Variants in TMEM232 observed in about 807,000 individuals in gnomAD.
TMEM232 encodes the protein transmembrane protein 232.
Under a neutral mutation model 78.8 loss-of-function variants are expected in TMEM232, and 80 were observed. The ratio of observed to expected loss-of-function variants is 1.01; its 90% CI spans 0.85 to 1.22. TMEM232 has a LOEUF of 1.22. Ranked by LOEUF, TMEM232 falls within the 50% of genes most tolerant of loss-of-function variation. The pLI, the probability that TMEM232 is intolerant of heterozygous loss-of-function variation, is 0.00. For missense variants in TMEM232, 881 were observed against 742.2 expected (o/e 1.19, Z -2.17); for synonymous variants, 297 against 254.3 (o/e 1.17, Z -1.60).
upstream of TMEM232, among the ~76,000 whole-genome samples, chr5:110,727,333 C>T (rs115990475): frequency 5.8e-3 from 885 of 152,226 alleles, 6 homozygotes; most frequent in Non-Finnish European, 8.3e-3. Context: ...ATACGTAGGC[C>T]GGGCGCAGTG....
At chr5:110,392,653 G>A (rs1380838243) in intron 3 of TMEM232, among the ~76,000 whole-genome samples, 2 of 152,072 alleles carry the variant, frequency 1.3e-5, no homozygotes, top group Non-Finnish European at 2.9e-5. Flanking sequence ...CTTCTTATAA[G>A]GATATTAATG....
At chr5:110,456,025 C>T (rs1760859489) in intron 12 of TMEM232, among the ~76,000 whole-genome samples, 1 of 152,156 alleles carries the variant, frequency 6.6e-6, no homozygotes, top group Non-Finnish European at 1.5e-5. Flanking sequence ...TGCTTTGCCT[C>T]TAAGATCAGG....
In TMEM232 at chr5:110,718,381, G is replaced by T. The variant is rs138808877; in HGVS notation, c.-13+8246C>A. Among the ~76,000 whole-genome samples the T allele has an allele frequency of 3.6e-3, 545 of 152,170 alleles. 10 individuals are homozygous for T. The highest frequency in any genetic ancestry group is 4.4e-3 in the South Asian group (21 of 4,826). On this transcript the variant is annotated intron_variant, in intron 1 of 13. Transcript: ENST00000455884. ...AAATATTAAATTGCAAAATTATATT[G>T]ATGAGAAGCATTTCTGGATAGCTGT...
At chr5:110,736,733 T>C (rs1799210656) in intron 1 of TMEM232, among the ~76,000 whole-genome samples, 1 of 152,036 alleles carries the variant, frequency 6.6e-6, no homozygotes, top group African/African-American at 2.4e-5. Context: ...AAAACATCAA[T>C]ACAGTCACAT....
chr5:110,387,691 A>G (rs553189166), intron 5 of TMEM232: 2 of 152,328 alleles, frequency 1.3e-5, no homozygotes, highest in African/African-American at 4.8e-5. Flanking sequence ...ATAAAAATCC[A>G]TAAAAATCAA....
At chr5:110,708,511 A>G (rs897683523) in intron 1 of TMEM232, among the ~76,000 whole-genome samples, 1 of 152,194 alleles carries the variant, frequency 6.6e-6, no homozygotes, top group Non-Finnish European at 1.5e-5. Context: ...TGAACCAATC[A>G]AAAACAATAA....
intron 1 of TMEM232, among the ~76,000 whole-genome samples, chr5:110,703,154 G>A (rs1795596021): frequency 6.6e-6 from 1 of 151,992 alleles, no homozygotes; most frequent in Non-Finnish European, 1.5e-5. Context: ...AGGTAGCTAT[G>A]TTTAAAAGAA....
rs1224212119 is a variant in TMEM232 at position 110,420,732 on chromosome 5, C to G, written c.1822G>C (p.Glu608Gln). 6.6e-7 allele frequency: 1 copy of G among 1,522,414 alleles called. No homozygotes were observed. Among genetic ancestry groups the G allele is most frequent in the Non-Finnish European group, 8.7e-7 (1 of 1,142,890 alleles). 94.3% of individuals were successfully genotyped at this position (1,522,414 alleles called of 1,614,324 possible). Residue 608 changes from glutamate to glutamine, a missense_variant, in exon 14 of 14, where the codon GAA (glutamate) becomes CAA (glutamine). Coordinates refer to ENST00000455884, the MANE Select transcript of TMEM232 (RefSeq NM_001039763.4). ...HHWQEELKIR[E>Q]KEDAICKAQE... ...GCCTTGCATATTGCATCTTCTTTTT[C>G]TCGGATCTTTAGCTCTTCCTGCCAC...
At chr5:110,537,293 T>TA (rs1419509514) in intron 11 of TMEM232, among the ~76,000 whole-genome samples, 2,172 of 123,982 alleles carry the variant, frequency 0.018, 61 homozygotes, top group African/African-American at 0.089. Context: ...ATATATATAT[T>TA]TTTTTTTTTC....
At chr5:110,418,581 C>T (rs1309148898), downstream of TMEM232, among the ~76,000 whole-genome samples, 2 of 151,880 alleles carry the variant, frequency 1.3e-5, no homozygotes, top group African/African-American at 2.4e-5. Context: ...TTTTTTAGCT[C>T]CTTTCCAAGT....
chr5:110,454,125 A>T (rs1263130505), intron 12 of TMEM232, among the ~76,000 whole-genome samples: 4 of 152,218 alleles, frequency 2.6e-5, no homozygotes, highest in Non-Finnish European at 5.9e-5. Flanking sequence ...ATAAGGATAT[A>T]GAAGCCTGAA....
intron 1 of TMEM232, among the ~76,000 whole-genome samples, chr5:110,677,725 G>A (rs1444096359): frequency 2.0e-5 from 3 of 152,150 alleles, no homozygotes; most frequent in South Asian, 2.1e-4. Context: ...CTGGTAAAAC[G>A]TTTGACATTA....
intron 11 of TMEM232, among the ~76,000 whole-genome samples, chr5:110,542,201 T>C (rs1487125185): frequency 2.0e-5 from 3 of 152,322 alleles, no homozygotes; most frequent in East Asian, 3.9e-4. Flanking sequence ...TTCCTTGGTG[T>C]CTTTGTTGCA....
In TMEM232 at chr5:110,603,897, A is replaced by G. The variant is rs1395626138; in HGVS notation, c.1276+1212T>C. Among the ~76,000 whole-genome samples, 3 of 152,266 alleles carry G rather than the reference A, an allele frequency of 2.0e-5. No individual in the cohort carries two copies. The East Asian group carries it at 5.8e-4, about 29-fold the overall frequency. The stretch of plus-strand genomic sequence containing the variant: ...AGAATGAAATGTGTATCTATTTCTA[A>G]AGTCTTACTATTTAAAATTATACTC... On this transcript the variant is annotated intron_variant, in intron 10 of 13. Coordinates refer to ENST00000455884, the MANE Select transcript of TMEM232 (RefSeq NM_001039763.4).
At chr5:110,574,816 T>C (rs1469776921) in intron 10 of TMEM232, among the ~76,000 whole-genome samples, 1 of 152,116 alleles carries the variant, frequency 6.6e-6, no homozygotes, top group Admixed American at 6.6e-5. Context: ...CCTCTTCCTT[T>C]GGCTGATTTT....
intron 12 of TMEM232, among the ~76,000 whole-genome samples, chr5:110,464,739 T>C (rs1013150090): frequency 1.3e-5 from 2 of 152,178 alleles, no homozygotes; most frequent in Non-Finnish European, 2.9e-5. Context: ...ACTAGGATAA[T>C]ACGAATCACC....
At chr5:110,524,059 T>C (rs1214877868) in intron 12 of TMEM232, among the ~76,000 whole-genome samples, 2 of 149,926 alleles carry the variant, frequency 1.3e-5, no homozygotes, top group Non-Finnish European at 3.0e-5. Flanking sequence ...GTTCAGGAGT[T>C]CGCGACCAGC....
At chr5:110,650,507 G>A (rs1413232607) in intron 2 of TMEM232, among the ~76,000 whole-genome samples, 3 of 152,076 alleles carry the variant, frequency 2.0e-5, no homozygotes, top group East Asian at 3.9e-4. Context: ...TGTTTTGATT[G>A]TATGTACCCC....
intron 2 of TMEM232, among the ~76,000 whole-genome samples, chr5:110,659,366 C>A (rs1789496253): frequency 6.6e-6 from 1 of 152,034 alleles, no homozygotes; most frequent in South Asian, 2.1e-4. Flanking sequence ...TTGGTCCCAA[C>A]CCAGATTTAT....
Sources: allele counts gnomAD v4.1 joint callset (sites outside exome capture counted in the v4.1 genomes callset), GRCh38; gene constraint gnomAD v4.1.1; transcripts MANE v1.5; gene names NCBI Gene and HGNC (gene_info 2026-07-23, HGNC 2026-07-21).